Variants in GAD2 observed in about 807,000 individuals in gnomAD.
The protein encoded by GAD2 is 65 kDa glutamic acid decarboxylase.
GAD2 carries 22 observed loss-of-function variants against 80.1 expected under a neutral mutation model. The observed-to-expected ratio is 0.27, with a 90% confidence interval of 0.20 to 0.39. The LOEUF (loss-of-function observed/expected upper bound fraction) is 0.39, where lower values mean the gene tolerates loss of function less well. GAD2 is among the 10% of genes least tolerant of loss of function. The pLI is 1.00. For synonymous variants in GAD2, 274 were observed against 256.9 expected (o/e 1.07, Z -0.64); for missense variants, 624 against 738.4 (o/e 0.85, Z 1.80).
chr10:26,258,587 C>T (rs1271513378), intron 8 of GAD2, among the ~76,000 whole-genome samples: 5 of 152,070 alleles, frequency 3.3e-5, no homozygotes, highest in African/African-American at 7.2e-5. Flanking sequence ...ACTGTCTCTA[C>T]GAATTTTACT....
Position 26,216,862 on chromosome 10 carries a change from G to A in GAD2, c.53G>A (p.Gly18Glu). ...FWSFGSEDGSGDSENPGTARA... is the reference protein window; with the variant it reads ...FWSFGSEDGSEDSENPGTARA... ...TCTTTCGGGTCGGAAGATGGCTCTG[G>A]GGATTCCGAGAATCCCGGCACAGGT... Residue 18 changes from glycine (G) to glutamate (E), a missense_variant, in exon 1 of 16, where the codon GGG (glycine) becomes GAG (glutamate). By Grantham distance (98) the Gly-to-Glu change is moderately conservative. Coordinates refer to ENST00000376261, the MANE Select transcript of GAD2 (RefSeq NM_001134366.2). The surrounding 1 kb of genome is among the most constrained non-coding windows in gnomAD (Gnocchi z 4.7). The A allele has an allele frequency of 6.2e-7, 1 of 1,611,916 alleles. No individual in the cohort carries two copies. The highest frequency in any genetic ancestry group is 8.5e-7 in the Non-Finnish European group (1 of 1,179,172).
At chr10:26,242,585 C>T (rs528144480) in intron 7 of GAD2, among the ~76,000 whole-genome samples, 7 of 152,274 alleles carry the variant, frequency 4.6e-5, no homozygotes, top group East Asian at 1.9e-4. Flanking sequence ...TTGTGAATAA[C>T]GTTAAGCTAT....
intron 12 of GAD2, among the ~76,000 whole-genome samples, chr10:26,284,823 C>A (rs911265673): frequency 6.6e-6 from 1 of 152,140 alleles, no homozygotes; most frequent in Non-Finnish European, 1.5e-5. Flanking sequence ...CCCGCCTCGG[C>A]CTCCCAAAGT....
intron 8 of GAD2, among the ~76,000 whole-genome samples, chr10:26,255,863 A>T (rs2132295191): frequency 6.6e-6 from 1 of 151,406 alleles, no homozygotes; most frequent in Middle Eastern, 3.4e-3. Context: ...GAGAGGAGAA[A>T]GCAACGGGAG....
chr10:26,277,052 C>G (rs1316100045), intron 11 of GAD2, among the ~76,000 whole-genome samples: 2 of 152,152 alleles, frequency 1.3e-5, no homozygotes, highest in African/African-American at 4.8e-5. Flanking sequence ...GACGTGGGAG[C>G]TGATTGGAGA....
intron 8 of GAD2, among the ~76,000 whole-genome samples, chr10:26,252,894 G>A (rs1319331174): frequency 1.3e-5 from 2 of 152,026 alleles, no homozygotes; most frequent in African/African-American, 2.4e-5. Context: ...CTGACCTCAG[G>A]TGATCCACCC....
At chr10:26,238,184 G>T (rs1300553792) in intron 7 of GAD2, among the ~76,000 whole-genome samples, 1 of 152,126 alleles carries the variant, frequency 6.6e-6, no homozygotes, top group Non-Finnish European at 1.5e-5. Flanking sequence ...TTTGGGGATA[G>T]CCCAAAAAAT....
Position 26,292,561 on chromosome 10 carries a change from T to A in GAD2, c.1483T>A (p.Phe495Ile). 1 of 1,610,662 alleles carries A rather than the reference T, an allele frequency of 6.2e-7. No individual in the cohort carries two copies. Among genetic ancestry groups the A allele is most frequent in the Non-Finnish European group, 8.5e-7 (1 of 1,176,958 alleles). The change falls in exon 14 of 16, where the codon TTT becomes ATT. Residue 495 changes from phenylalanine to isoleucine, a missense_variant. Coordinates refer to ENST00000376261, the MANE Select transcript of GAD2 (RefSeq NM_001134366.2). ...IKNREGYEMV[F>I]DGKPQHTNVC... Reference sequence around the variant, plus strand: ...AAACCGAGAAGGATATGAGATGGTGTTTGATGGGAAGGTATGTATTTGGAT... The same window carrying A: ...AAACCGAGAAGGATATGAGATGGTGATTGATGGGAAGGTATGTATTTGGAT...
chr10:26,281,712 T>C (rs181805749), intron 12 of GAD2, among the ~76,000 whole-genome samples: 1 of 152,316 alleles, frequency 6.6e-6, no homozygotes, highest in African/African-American at 2.4e-5. Flanking sequence ...TCTTGAAAGA[T>C]GGTTCTGTTC....
In GAD2 at chr10:26,301,643, T is replaced by A. The variant is rs1193186006; in HGVS notation, c.*682T>A. On this transcript the variant is annotated 3_prime_UTR_variant, in exon 16 of 16. Coordinates refer to ENST00000376261, the MANE Select transcript of GAD2 (RefSeq NM_001134366.2). ...ATTTTGAAACATTGACCCACGAAAT[T>A]CTTAAAAGGTATTATTGCTTCTTTC... The A allele has an allele frequency of 6.6e-6, 1 of 152,220 alleles. No individual in the cohort carries two copies. Among genetic ancestry groups the A allele is most frequent in the African/African-American group, 2.4e-5 (1 of 41,456 alleles). The allele number at this position is 152,220 out of a possible 1,614,324, so 9.4% of individuals were successfully genotyped here.
At chr10:26,244,285 A>T (rs1844779554) in intron 7 of GAD2, among the ~76,000 whole-genome samples, 1 of 152,212 alleles carries the variant, frequency 6.6e-6, no homozygotes, top group Non-Finnish European at 1.5e-5. Flanking sequence ...TGAGAGTGGG[A>T]ATGTAAAATG....
intron 8 of GAD2, among the ~76,000 whole-genome samples, chr10:26,254,511 G>A (rs1844921758): frequency 6.6e-6 from 1 of 152,148 alleles, no homozygotes. Context: ...CCGGGTAATG[G>A]GGACCCCTGT....
chr10:26,292,790 G>A, intron 14 of GAD2, 112 bp from the exon 15 acceptor site: 1 of 962,798 alleles, frequency 1.0e-6, no homozygotes, highest in African/African-American at 1.6e-5. Flanking sequence ...ATTCCTGATT[G>A]AAAAGTGGGA....
At chr10:26,247,924 A>T in intron 8 of GAD2, among the ~76,000 whole-genome samples, 1 of 150,006 alleles carries the variant, frequency 6.7e-6, no homozygotes, top group Admixed American at 6.6e-5. Flanking sequence ...GAAAAGAAAA[A>T]AAAAAAAGAA....
At chr10:26,246,829 C>T (rs1163019721) in intron 8 of GAD2, among the ~76,000 whole-genome samples, 1 of 152,134 alleles carries the variant, frequency 6.6e-6, no homozygotes, top group Non-Finnish European at 1.5e-5. Context: ...GCATGAAGTA[C>T]ACATTTGAAC....
intron 7 of GAD2, among the ~76,000 whole-genome samples, chr10:26,235,987 G>A (rs569564501): frequency 5.3e-5 from 8 of 152,244 alleles, no homozygotes; most frequent in South Asian, 4.2e-4. Context: ...AATTCGCTCC[G>A]CTCTTCACAT....
intron 8 of GAD2, among the ~76,000 whole-genome samples, chr10:26,247,519 G>A (rs369960367): frequency 5.9e-5 from 9 of 152,218 alleles, no homozygotes; most frequent in East Asian, 1.9e-4. Context: ...AGCACCTCAC[G>A]GGGTCCAGAA....
At chr10:26,281,835 T>C (rs1433884211) in intron 12 of GAD2, among the ~76,000 whole-genome samples, 2 of 152,240 alleles carry the variant, frequency 1.3e-5, no homozygotes, top group Non-Finnish European at 2.9e-5. Context: ...TTTATTTTGT[T>C]GATGAAACCC....
intron 8 of GAD2, among the ~76,000 whole-genome samples, chr10:26,258,598 A>G (rs1204987787): frequency 2.6e-5 from 4 of 152,148 alleles, no homozygotes; most frequent in Admixed American, 6.5e-5. Flanking sequence ...GAATTTTACT[A>G]CTATGGGTAC....
Sources: allele counts gnomAD v4.1 joint callset (sites outside exome capture counted in the v4.1 genomes callset), GRCh38; gene constraint gnomAD v4.1.1; non-coding constraint Gnocchi (gnomAD v3.1); transcripts MANE v1.5; gene names NCBI Gene and HGNC (gene_info 2026-07-23, HGNC 2026-07-21).